ATP11C: variants seen among roughly 807,000 people sequenced by gnomAD.
ATP11C encodes the protein ATPase phospholipid transporting 11C (ATP11C blood group).
In ATP11C, 36 loss-of-function variants were observed where a neutral mutation model predicts 97.4. The ratio of observed to expected loss-of-function variants is 0.37; its 90% confidence interval spans 0.28 to 0.49. ATP11C has a LOEUF of 0.49. Ranked by LOEUF, ATP11C falls within the 20% of genes least tolerant of loss-of-function variation. The pLI is 0.98. For missense variants in ATP11C, 730 were observed against 824.6 expected, an observed-to-expected ratio of 0.89 and a Z score of 1.40; for synonymous variants, 275 against 290.9, an observed-to-expected ratio of 0.95 and a Z score of 0.56.
intron 1 of ATP11C, among the ~76,000 whole-genome samples, chrX:139,927,300 C>A (rs2085365252): frequency 9.0e-6 from 1 of 111,722 alleles, no homozygotes; most frequent in Non-Finnish European, 1.9e-5. Flanking sequence ...CCATACAATG[C>A]CTTAATCATC....
At chrX:139,920,888 C>A (rs1473082822) in intron 1 of ATP11C, among the ~76,000 whole-genome samples, 1 of 111,737 alleles carries the variant, frequency 8.9e-6, no homozygotes, top group African/African-American at 3.3e-5. Context: ...TAAATGACAG[C>A]AGTAGCTTAA....
At chrX:139,905,674 G>A (rs893621027) in intron 1 of ATP11C, among the ~76,000 whole-genome samples, 2 of 111,343 alleles carry the variant, frequency 1.8e-5, no homozygotes, top group African/African-American at 6.5e-5. Flanking sequence ...TTAAAAAAGT[G>A]ACACAGGAAA....
intron 1 of ATP11C, among the ~76,000 whole-genome samples, chrX:139,890,457 A>G (rs925878151): frequency 4.5e-5 from 5 of 111,307 alleles, no homozygotes; most frequent in South Asian, 3.8e-4. Flanking sequence ...GCTTGAGCCT[A>G]AAAGTTCAAA....
chrX:139,758,097 T>A (rs1198262858), intron 22 of ATP11C, among the ~76,000 whole-genome samples: 1 of 112,103 alleles, frequency 8.9e-6, no homozygotes, highest in African/African-American at 3.2e-5. Flanking sequence ...ATTTACTTTA[T>A]GAGAATCTGT....
chrX:139,808,337 A>T (rs1228028060), intron 5 of ATP11C, among the ~76,000 whole-genome samples: 1 of 112,178 alleles, frequency 8.9e-6, no homozygotes, highest in Admixed American at 9.4e-5. Context: ...AAAGATAATG[A>T]CCAAGAATTA....
intron 1 of ATP11C, among the ~76,000 whole-genome samples, chrX:139,906,610 C>T (rs1193333110): frequency 2.8e-5 from 3 of 108,680 alleles, no homozygotes; most frequent in Non-Finnish European, 5.7e-5. Flanking sequence ...GGTAAAACCC[C>T]GTCTCTACTA....
intron 19 of ATP11C, among the ~76,000 whole-genome samples, chrX:139,773,368 C>A (rs993053539): frequency 7.2e-5 from 8 of 111,212 alleles, no homozygotes; most frequent in African/African-American, 2.6e-4. Flanking sequence ...GATGGGATTA[C>A]TGCCCTTATA....
intron 1 of ATP11C, among the ~76,000 whole-genome samples, chrX:139,877,397 C>T (rs1479160767): frequency 1.8e-5 from 2 of 111,926 alleles, no homozygotes; most frequent in Non-Finnish European, 3.8e-5. Flanking sequence ...ACCCTTAAGA[C>T]AGTAGCCGTA....
In ATP11C at chrX:139,908,531, G is replaced by C. The variant is rs1453211759; in HGVS notation, c.27+23485C>G. Reference sequence around the variant, plus strand: ...CCCATTGCCTAGCATATAGTGCCTAGCTGGTTATAAATAGGTAATAAAGGA... The same window carrying C: ...CCCATTGCCTAGCATATAGTGCCTACCTGGTTATAAATAGGTAATAAAGGA... On this transcript the variant is annotated intron_variant, in intron 1 of 29. Coordinates refer to ENST00000682941, the MANE Select transcript of ATP11C (RefSeq NM_001353812.2). Among the ~76,000 whole-genome samples, 3 of 112,217 alleles carry C rather than the reference G, an allele frequency of 2.7e-5. No homozygotes were observed. The Admixed American group carries it at 2.8e-4, about 11-fold the overall frequency.
intron 1 of ATP11C, among the ~76,000 whole-genome samples, chrX:139,853,266 A>G (rs2084030349): frequency 9.1e-6 from 1 of 110,282 alleles, no homozygotes; most frequent in Non-Finnish European, 1.9e-5. Context: ...GCAAGGAAAG[A>G]CCAGCAGAGA....
At chrX:139,765,551 A>T (rs1263785549) in intron 20 of ATP11C, among the ~76,000 whole-genome samples, 1 of 112,333 alleles carries the variant, frequency 8.9e-6, no homozygotes, top group African/African-American at 3.2e-5. Flanking sequence ...GAGTGATTTG[A>T]TCTAAATCAT....
At chrX:139,820,218 T>C (rs1190850793) in intron 2 of ATP11C, among the ~76,000 whole-genome samples, 3 of 103,834 alleles carry the variant, frequency 2.9e-5, no homozygotes, top group African/African-American at 1.1e-4. Context: ...CTGGGCAACA[T>C]GGTGAAACCC....
intron 23 of ATP11C, among the ~76,000 whole-genome samples, chrX:139,753,145 T>C (rs1247979734): frequency 9.0e-6 from 1 of 111,405 alleles, no homozygotes; most frequent in Non-Finnish European, 1.9e-5. Flanking sequence ...CAGAACTCTC[T>C]ACCCCCAAAA....
Position 139,726,713 on chromosome X carries a change from G to A in ATP11C, c.*2253C>T, listed in dbSNP as rs906557626. On this transcript the variant is annotated 3_prime_UTR_variant, in exon 30 of 30. Transcript: ENST00000682941. ...GTAACATCCTCAAACAATGGACAGC[G>A]GTTGTGAAAATTACAAAGACATTTT... 1.8e-5 allele frequency: 2 copies of A among 112,173 alleles called. No individual in the cohort carries two copies. The highest frequency in any genetic ancestry group is 1.9e-5 in the Non-Finnish European group (1 of 53,131). 9.2% of individuals were successfully genotyped at this position (112,173 alleles called of 1,213,427 possible).
chrX:139,777,319 T>G (rs780046431), intron 18 of ATP11C, among the ~76,000 whole-genome samples: 4 of 109,771 alleles, frequency 3.6e-5, no homozygotes, highest in Admixed American at 9.8e-5. Flanking sequence ...TAAGGATAGC[T>G]ATAATAAAAC....
chrX:139,926,364 T>C (rs1460292343), intron 1 of ATP11C, among the ~76,000 whole-genome samples: 3 of 111,773 alleles, frequency 2.7e-5, no homozygotes, highest in East Asian at 2.8e-4. Flanking sequence ...TGAATAACCA[T>C]GTTAGACAAG....
At chrX:139,886,391 C>A (rs1366430654) in intron 1 of ATP11C, among the ~76,000 whole-genome samples, 1 of 110,321 alleles carries the variant, frequency 9.1e-6, no homozygotes, top group Admixed American at 9.8e-5. Flanking sequence ...GAGATTGAGG[C>A]CATCCTCGCC....
In ATP11C at chrX:139,832,395, T is replaced by G; in HGVS notation, c.28-5572A>C. 3.5e-6 allele frequency: 3 copies of G among 859,140 alleles called. No homozygotes were observed. The South Asian group carries it at 1.2e-4, about 35-fold the overall frequency. The allele number at this position is 859,140 out of a possible 1,213,427, so 70.8% of individuals were successfully genotyped here. A position where few individuals can be genotyped will look rare whatever the true frequency, so the allele number is the denominator to read the frequency against. ...AGATGACAGTCTATTCCTTAAGAGCTCAAAGCAGTACTCTGGCGGCCTTAG... is the reference window on the plus strand; with the variant it reads ...AGATGACAGTCTATTCCTTAAGAGCGCAAAGCAGTACTCTGGCGGCCTTAG... On this transcript the variant is annotated intron_variant, in intron 1 of 29. Coordinates refer to ENST00000682941, the MANE Select transcript of ATP11C (RefSeq NM_001353812.2).
chrX:139,850,115 G>C (rs2083966677), intron 1 of ATP11C, among the ~76,000 whole-genome samples: 1 of 111,957 alleles, frequency 8.9e-6, no homozygotes, highest in African/African-American at 3.3e-5. Context: ...GTGGTACCGA[G>C]AGTAGGATTG....
Sources: gnomAD v4.1 joint callset for allele counts (sites outside exome capture counted in the v4.1 genomes callset) on GRCh38, gnomAD v4.1.1 for gene constraint, MANE v1.5 for transcripts, NCBI Gene and HGNC (gene_info 2026-07-23, HGNC 2026-07-21) for gene names.